Variants in TBC1D32 observed in about 807,000 individuals in gnomAD.
TBC1D32 encodes the protein protein broad-minded.
Under a neutral mutation model 170.3 loss-of-function variants are expected in TBC1D32, and 151 were observed. The ratio of observed to expected loss-of-function variants is 0.89; its 90% CI spans 0.78 to 1.01. The LOEUF is 1.01. Among genes scored for constraint, TBC1D32 ranks in the 50% least tolerant of loss-of-function variants. The pLI is 0.00. For synonymous variants in TBC1D32, 498 were observed against 488.0 expected (o/e 1.02, Z -0.27); for missense variants, 1,464 against 1,457.1 (o/e 1.00, Z -0.08).
intron 22 of TBC1D32, among the ~76,000 whole-genome samples, chr6:121,179,495 G>A (rs898271858): frequency 3.3e-5 from 5 of 151,530 alleles, no homozygotes; most frequent in Non-Finnish European, 7.4e-5. Context: ...AATAATAGAC[G>A]ATATAATATT....
intron 11 of TBC1D32, among the ~76,000 whole-genome samples, chr6:121,292,621 T>C (rs1257044968): frequency 6.6e-6 from 1 of 152,130 alleles, no homozygotes; most frequent in African/African-American, 2.4e-5. Context: ...CTCTACAATA[T>C]AGACATCTCC....
At position 121,104,436 on chromosome 6, in the gene TBC1D32, T is replaced by G. The variant is rs139713606; in HGVS notation, c.3465+1587A>C. Among the ~76,000 whole-genome samples the G allele has an allele frequency of 2.4e-3, 370 of 151,810 alleles. 1 individual carries two copies. The highest frequency in any genetic ancestry group is 8.3e-3 in the African/African-American group (346 of 41,522). On this transcript the variant is annotated intron_variant, in intron 30 of 31. Coordinates refer to ENST00000398212, the MANE Select transcript of TBC1D32 (RefSeq NM_152730.6). ...AATAATTCTCTCTAATAGACTCTACTTAACGATAACATGCTGGATAAATTC... is the reference window on the plus strand; with the variant it reads ...AATAATTCTCTCTAATAGACTCTACGTAACGATAACATGCTGGATAAATTC...
chr6:121,314,670 C>A (rs532533088), intron 3 of TBC1D32, among the ~76,000 whole-genome samples: 2 of 152,172 alleles, frequency 1.3e-5, no homozygotes, highest in South Asian at 4.1e-4. Context: ...CTAATTACTG[C>A]GGAGGAAGAG....
intron 10 of TBC1D32, among the ~76,000 whole-genome samples, chr6:121,298,662 T>C (rs1806012897): frequency 6.6e-6 from 1 of 152,092 alleles, no homozygotes. Context: ...TCAATATCCC[T>C]CTCTTCTTCT....
chr6:121,313,644 A>G (rs530015988), intron 3 of TBC1D32, among the ~76,000 whole-genome samples: 15 of 152,158 alleles, frequency 9.9e-5, no homozygotes, highest in Non-Finnish European at 1.9e-4. Flanking sequence ...GAAATTCTGC[A>G]GAGATTTTTA....
At chr6:121,129,344 G>C (rs994725346) in intron 25 of TBC1D32, among the ~76,000 whole-genome samples, 2 of 152,110 alleles carry the variant, frequency 1.3e-5, no homozygotes, top group Non-Finnish European at 1.5e-5. Context: ...AGTATTCTGA[G>C]CACATTTAAG....
intron 15 of TBC1D32, among the ~76,000 whole-genome samples, chr6:121,277,719 GGAAGA>G (rs1274511116): frequency 6.6e-6 from 1 of 150,894 alleles, no homozygotes; most frequent in Non-Finnish European, 1.5e-5. Flanking sequence ...TAGAAAACTA[GGAAGA>G]GAAAATTAAA....
At chr6:121,176,757 C>T (rs1441775336) in intron 22 of TBC1D32, among the ~76,000 whole-genome samples, 4 of 152,086 alleles carry the variant, frequency 2.6e-5, no homozygotes, top group Non-Finnish European at 1.5e-5. Context: ...CGCCACCACG[C>T]CCAGCTAATT....
chr6:121,236,562 G>A (rs1290076686), intron 20 of TBC1D32, among the ~76,000 whole-genome samples: 2 of 152,096 alleles, frequency 1.3e-5, no homozygotes, highest in African/African-American at 4.8e-5. Context: ...CTAGAAGCTG[G>A]ACTCTAGGGC....
At chr6:121,186,461 T>C (rs1304781065) in intron 22 of TBC1D32, among the ~76,000 whole-genome samples, 2 of 151,878 alleles carry the variant, frequency 1.3e-5, no homozygotes, top group Admixed American at 1.3e-4. Context: ...ATAGATAATA[T>C]ATAGCATCCT....
chr6:121,106,267 G>A (rs1409471230), intron 29 of TBC1D32, 104 bp from the exon 30 acceptor site: 1 of 635,516 alleles, frequency 1.6e-6, no homozygotes, highest in African/African-American at 2.0e-5. Context: ...GCTGTAAATT[G>A]CTGCTTCAAA....
chr6:121,271,548 A>G (rs1458774846), intron 15 of TBC1D32, among the ~76,000 whole-genome samples: 1 of 152,158 alleles, frequency 6.6e-6, no homozygotes, highest in Non-Finnish European at 1.5e-5. Context: ...TAGGAATCCA[A>G]CTTACAAGGG....
chr6:121,110,890 A>G (rs1291646155), intron 29 of TBC1D32, among the ~76,000 whole-genome samples: 1 of 152,180 alleles, frequency 6.6e-6, no homozygotes, highest in African/African-American at 2.4e-5. Context: ...TTTTACAAAG[A>G]AGCATCAAAA....
At chr6:121,220,108 G>A (rs1794323405) in intron 21 of TBC1D32, among the ~76,000 whole-genome samples, 1 of 152,076 alleles carries the variant, frequency 6.6e-6, no homozygotes, top group Admixed American at 6.6e-5. Flanking sequence ...AAACCTCTAA[G>A]GGTTCAAATA....
In TBC1D32 at chr6:121,093,888, T is replaced by A. The variant is rs571045083; in HGVS notation, c.3466-2847A>T. ...TTATTTTATAACAAAGGTATAGATGTTATTATTTAACAAATATTTTTTGAC... is the reference window on the plus strand; with the variant it reads ...TTATTTTATAACAAAGGTATAGATGATATTATTTAACAAATATTTTTTGAC... On this transcript the variant is annotated intron_variant, in intron 30 of 31. Transcript: ENST00000398212. Among the ~76,000 whole-genome samples, 55 of 152,256 alleles carry A rather than the reference T, an allele frequency of 3.6e-4. No homozygotes were observed. The South Asian group carries it at 9.3e-3, about 26-fold the overall frequency.
At chr6:121,334,619 T>G, upstream of TBC1D32, 1 of 657,626 alleles carries the variant, frequency 1.5e-6, no homozygotes, top group Non-Finnish European at 2.6e-6. Flanking sequence ...TCACCTTACT[T>G]TGGGGAAGCA....
At chr6:121,232,273 T>C (rs1262074953) in intron 20 of TBC1D32, among the ~76,000 whole-genome samples, 1 of 152,194 alleles carries the variant, frequency 6.6e-6, no homozygotes, top group Non-Finnish European at 1.5e-5. Flanking sequence ...CTGTTACATT[T>C]GGTCTGTGTG....
chr6:121,253,322 G>A (rs1409342761), intron 17 of TBC1D32, among the ~76,000 whole-genome samples: 1 of 151,668 alleles, frequency 6.6e-6, no homozygotes, highest in East Asian at 1.9e-4. Flanking sequence ...TTCTCAAAAC[G>A]TACAAACAGC....
intron 2 of TBC1D32, among the ~76,000 whole-genome samples, chr6:121,318,636 A>G (rs1310621750): frequency 6.6e-6 from 1 of 151,980 alleles, no homozygotes; most frequent in African/African-American, 2.4e-5. Flanking sequence ...ATAAGTTTCA[A>G]TTTCCTCAAC....
Sources: allele counts gnomAD v4.1 joint callset (sites outside exome capture counted in the v4.1 genomes callset), GRCh38; gene constraint gnomAD v4.1.1; transcripts MANE v1.5; gene names NCBI Gene and HGNC (gene_info 2026-07-23, HGNC 2026-07-21).